The following SAMD12 variants were observed in gnomAD, a reference collection of about 807,000 sequenced individuals.
The protein encoded by SAMD12 is sterile alpha motif domain-containing protein 12.
A neutral mutation model predicts 15.0 loss-of-function variants in SAMD12; 9 were observed. The ratio of observed to expected loss-of-function variants is 0.60; its 90% CI spans 0.36 to 1.05. The LOEUF is 1.05. Ranked by LOEUF, SAMD12 falls within the 50% of genes least tolerant of loss-of-function variation. The pLI is 0.01. For missense variants in SAMD12, 230 were observed against 234.2 expected (o/e 0.98, Z 0.12); for synonymous variants, 86 against 90.1 (o/e 0.96, Z 0.25).
chr8:118,310,946 T>C (rs1181692943), intron 4 of SAMD12, among the ~76,000 whole-genome samples: 1 of 152,206 alleles, frequency 6.6e-6, no homozygotes, highest in Non-Finnish European at 1.5e-5. Context: ...ATGGCACCTA[T>C]GACATAGTAG....
At chr8:118,460,992 G>T (rs1180621316) in intron 2 of SAMD12, among the ~76,000 whole-genome samples, 1 of 152,176 alleles carries the variant, frequency 6.6e-6, no homozygotes, top group African/African-American at 2.4e-5. Context: ...TGCACATAAT[G>T]GTTTACCTGG....
the SAMD12 span, among the ~76,000 whole-genome samples, chr8:118,161,561 T>TA: frequency 0.73 from 92,565 of 126,602 alleles, 34,562 homozygotes; most frequent in Non-Finnish European, 0.84. Context: ...TAAGACTGTC[T>TA]AAAAAAAAAA....
At chr8:118,459,817 G>A (rs1823362971) in intron 2 of SAMD12, among the ~76,000 whole-genome samples, 1 of 152,176 alleles carries the variant, frequency 6.6e-6, no homozygotes, top group Non-Finnish European at 1.5e-5. Context: ...TCCACTACAT[G>A]CAAGGCACTT....
At chr8:118,180,866 C>A in the SAMD12 span, among the ~76,000 whole-genome samples, 3 of 152,036 alleles carry the variant, frequency 2.0e-5, no homozygotes, top group Non-Finnish European at 4.4e-5. Context: ...CAACATCATG[C>A]CCTTCTCTTC....
intron 1 of SAMD12, among the ~76,000 whole-genome samples, chr8:118,605,493 G>A (rs1201436078): frequency 6.6e-6 from 1 of 152,084 alleles, no homozygotes; most frequent in Non-Finnish European, 1.5e-5. Flanking sequence ...TAGCAGGCTT[G>A]TTTAGTGGCA....
chr8:118,462,607 G>A (rs1450404616), intron 2 of SAMD12, among the ~76,000 whole-genome samples: 1 of 152,084 alleles, frequency 6.6e-6, no homozygotes, highest in East Asian at 1.9e-4. Flanking sequence ...GGATCAAATA[G>A]AATCCTCCAC....
chr8:118,229,429 C>T (rs1208544542), intron 4 of SAMD12, among the ~76,000 whole-genome samples: 1 of 151,886 alleles, frequency 6.6e-6, no homozygotes, highest in Admixed American at 6.6e-5. Flanking sequence ...ATTCTTTCTC[C>T]CTGACTTATT....
At chr8:118,266,425 G>T (rs918043901) in intron 4 of SAMD12, among the ~76,000 whole-genome samples, 11 of 152,122 alleles carry the variant, frequency 7.2e-5, no homozygotes, top group African/African-American at 2.7e-4. Context: ...ATGGAAAATG[G>T]TATGGAACTT....
chr8:118,137,808 T>C, the SAMD12 span, among the ~76,000 whole-genome samples: 2 of 152,130 alleles, frequency 1.3e-5, no homozygotes, highest in Non-Finnish European at 2.9e-5. Context: ...TTTAAGAAAG[T>C]TTACAAATTT....
intron 4 of SAMD12, among the ~76,000 whole-genome samples, chr8:118,328,514 C>T (rs1816664316): frequency 6.6e-6 from 1 of 152,150 alleles, no homozygotes; most frequent in Non-Finnish European, 1.5e-5. Flanking sequence ...TTCTTTAATG[C>T]CCATGTTCTA....
intron 2 of SAMD12, among the ~76,000 whole-genome samples, chr8:118,555,629 A>G (rs1235186290): frequency 6.6e-6 from 1 of 152,368 alleles, no homozygotes; most frequent in Non-Finnish European, 1.5e-5. Context: ...AAAAATATTC[A>G]TATCATAAAA....
chr8:118,551,333 A>T (rs1175713792), intron 2 of SAMD12, among the ~76,000 whole-genome samples: 1 of 152,194 alleles, frequency 6.6e-6, no homozygotes, highest in Non-Finnish European at 1.5e-5. Context: ...TGTCTCTCAG[A>T]CCATAGTGCA....
At chr8:118,190,206 T>C (rs1819325921) in exon 5 of SAMD12, 1 of 152,172 alleles carries the variant, frequency 6.6e-6, no homozygotes, top group African/African-American at 2.4e-5. Context: ...CATCCTCCCT[T>C]CTCATACTCT....
At chr8:118,212,970 C>G (rs1047747542) in intron 4 of SAMD12, among the ~76,000 whole-genome samples, 1 of 152,120 alleles carries the variant, frequency 6.6e-6, no homozygotes, top group Non-Finnish European at 1.5e-5. Context: ...AGATACCTAA[C>G]AAACCTCAAA....
In SAMD12 at chr8:118,234,710, C is replaced by CAAA. The variant is rs10647591; in HGVS notation, c.434-36981_434-36979dup. Among the ~76,000 whole-genome samples, 121 of 105,348 alleles carry CAAA rather than the reference C, an allele frequency of 1.1e-3. 3 individuals are homozygous for CAAA. The highest frequency in any genetic ancestry group is 4.3e-3 in the South Asian group (12 of 2,814). The allele number at this position is 105,348 out of a possible 152,430, so 69.1% of individuals were successfully genotyped here. ...TAGGTGACAGAGTAAGACTCCATCT[C>CAAA]AAAAAAAAAAAAAAAAAAAGAAATA... On this transcript the variant is annotated intron_variant, in intron 4 of 4. Transcript: ENST00000409003.
chr8:118,535,539 C>T (rs550124961), intron 2 of SAMD12, among the ~76,000 whole-genome samples: 3 of 152,336 alleles, frequency 2.0e-5, no homozygotes, highest in African/African-American at 4.8e-5. Flanking sequence ...ATGCCCTGCC[C>T]CCAGAGGTGG....
chr8:118,281,006 C>A (rs533821269), intron 4 of SAMD12, among the ~76,000 whole-genome samples: 7 of 152,136 alleles, frequency 4.6e-5, no homozygotes, highest in African/African-American at 9.7e-5. Context: ...CTTAAGTTTA[C>A]ATGGACTCTT....
intron 2 of SAMD12, among the ~76,000 whole-genome samples, chr8:118,477,096 T>G (rs1372106854): frequency 6.6e-6 from 1 of 150,918 alleles, no homozygotes; most frequent in African/African-American, 2.4e-5. Context: ...GTTGGAGTCT[T>G]GCTCTGTTGC....
Position 118,544,687 on chromosome 8 carries a change from C to T in SAMD12, c.192+36028G>A, listed in dbSNP as rs1826075700. On this transcript the variant is annotated intron_variant, in intron 2 of 3. Coordinates refer to ENST00000314727, the MANE Select transcript of SAMD12 (RefSeq NM_207506.3). ...CCAAAAACCATGCAAGCAGAGGTGT[C>T]TGGCTTCCTGCTTCCTTCTCAACCT... 3.9e-5 allele frequency among the ~76,000 whole-genome samples: 6 copies of T among 152,198 alleles called. No individual in the cohort carries two copies. In the South Asian group the frequency reaches 1.2e-3, roughly 32 times the overall value.
Sources: gnomAD v4.1 joint callset for allele counts (sites outside exome capture counted in the v4.1 genomes callset) on GRCh38, gnomAD v4.1.1 for gene constraint, MANE v1.5 for transcripts, NCBI Gene and HGNC (gene_info 2026-07-23, HGNC 2026-07-21) for gene names.